C4orf54: variants seen among roughly 807,000 people sequenced by gnomAD.
The protein encoded by C4orf54 is chromosome 4 open reading frame 54.
A neutral mutation model predicts 80.1 loss-of-function variants in C4orf54; 67 were observed. That is an observed-to-expected ratio of 0.84 (90% confidence interval 0.69 to 1.03). The LOEUF (loss-of-function observed/expected upper bound fraction) is 1.03. C4orf54 is among the 50% of genes least tolerant of loss of function. C4orf54 has a pLI of 0.00. For missense variants in C4orf54, 2,434 were observed against 2,253.5 expected, an observed-to-expected ratio of 1.08 and a Z score of -1.62; for synonymous variants, 1,000 against 917.0, an observed-to-expected ratio of 1.09 and a Z score of -1.64.
intron 2 of C4orf54, among the ~76,000 whole-genome samples, chr4:99,643,792 A>ACACACACACCCCCCCC (rs61130907): frequency 1.0e-5 from 1 of 98,860 alleles, no homozygotes; most frequent in Non-Finnish European, 2.0e-5. Context: ...ACACACACAC[A>ACACACACACCCCCCCC]CCCCCTCCGC....
At chr4:99,642,902 T>C (rs1726630267) in intron 2 of C4orf54, among the ~76,000 whole-genome samples, 1 of 152,194 alleles carries the variant, frequency 6.6e-6, no homozygotes, top group South Asian at 2.1e-4. Flanking sequence ...TGCTCAGAGT[T>C]GTATAACATT....
chr4:99,651,023 T>C lies in C4orf54; in HGVS notation c.3626A>G (p.Asn1209Ser), dbSNP rs751242739. ...GRLPVATIAP[N>S]KPEQGSYLPV... ...CAGGTATGAGCCCTGCTCGGGCTTA[T>C]TGGGGGCAATGGTAGCCACAGGCAG... Residue 1209 changes from asparagine to serine, a missense_variant, in exon 2 of 3, where the codon AAT becomes AGT. By Grantham distance (46) the Asn-to-Ser change is conservative. Coordinates refer to ENST00000511828, the MANE Select transcript of C4orf54 (RefSeq NM_001354435.2). 37 of 1,536,134 alleles carry C rather than the reference T, an allele frequency of 2.4e-5. No homozygotes were observed. In the East Asian group the frequency reaches 2.9e-4, roughly 12 times the overall value.
intron 2 of C4orf54, among the ~76,000 whole-genome samples, chr4:99,647,075 A>T (rs189325171): frequency 2.0e-5 from 3 of 152,362 alleles, no homozygotes; most frequent in African/African-American, 7.2e-5. Context: ...ACTAAAATGA[A>T]GGTCGTGCTT....
chr4:99,649,859 G>A lies in C4orf54; in HGVS notation c.4790C>T (p.Thr1597Ile). ...PAPAASAPVP[T>I]DPFQQAQPQQ... Reference sequence around the variant, plus strand: ...AGGCTGTGCCTGCTGGAAGGGGTCTGTGGGGACGGGAGCTGAGGCTGCAGG... The same window carrying A: ...AGGCTGTGCCTGCTGGAAGGGGTCTATGGGGACGGGAGCTGAGGCTGCAGG... The change falls in exon 2 of 3, where the codon ACA (threonine) becomes ATA (isoleucine). Residue 1597 changes from threonine (T) to isoleucine (I), a missense_variant. Coordinates refer to ENST00000511828, the MANE Select transcript of C4orf54 (RefSeq NM_001354435.2). The A allele has an allele frequency of 6.5e-7, 1 of 1,533,154 alleles. No individual in the cohort carries two copies. Among genetic ancestry groups the A allele is most frequent in the Non-Finnish European group, 8.7e-7 (1 of 1,144,292 alleles). 95.0% of individuals were successfully genotyped at this position (1,533,154 alleles called of 1,614,324 possible).
At chr4:99,654,965 T>C (rs747551817) in intron 1 of C4orf54, among the ~76,000 whole-genome samples, 1 of 152,218 alleles carries the variant, frequency 6.6e-6, no homozygotes, top group Non-Finnish European at 1.5e-5. Flanking sequence ...TTAAATAAAA[T>C]TCAAATTTTT....
Position 99,652,878 on chromosome 4 carries a change from G to T in C4orf54, c.1771C>A (p.Gln591Lys). Residue 591 changes from glutamine (Q) to lysine (K), a missense_variant, in exon 2 of 3, where the codon CAA becomes AAA. Transcript: ENST00000511828. ...GCCCGGATGGCCCCGCACCTGGTTT[G>T]CAGGCGAGCAGGTACAGCAATGAAT... ...KKFIAVPARLQTRCGAIRAKE... is the reference protein window; with the variant it reads ...KKFIAVPARLKTRCGAIRAKE... 6.5e-7 allele frequency: 1 copy of T among 1,536,140 alleles called. No homozygotes were observed. Among genetic ancestry groups the T allele is most frequent in the Non-Finnish European group, 8.7e-7 (1 of 1,146,920 alleles).
Position 99,651,424 on chromosome 4 carries a change from G to T in C4orf54, c.3225C>A (p.Leu1075=), listed in dbSNP as rs568204676. 28 of 1,536,312 alleles carry T rather than the reference G, an allele frequency of 1.8e-5. No individual in the cohort carries two copies. In the East Asian group the frequency reaches 6.1e-4, roughly 34 times the overall value. Residue 1075 remains leucine, a synonymous_variant, in exon 2 of 3, where the codon CTC becomes CTA. Coordinates refer to ENST00000511828, the MANE Select transcript of C4orf54 (RefSeq NM_001354435.2). ...IEDNSRAQQK[L]FRGDNLEKVP... is the part of the protein sequence containing the mutation. ...CTTTTTCTAGGTTGTCCCCGCGGAAGAGTTTCTGCTGTGCCCTGCTGTTGT... is the reference window on the plus strand; with the variant it reads ...CTTTTTCTAGGTTGTCCCCGCGGAATAGTTTCTGCTGTGCCCTGCTGTTGT...
rs1367644515 is a variant in C4orf54, at chr4:99,651,624, T to A, written c.3025A>T (p.Thr1009Ser). The A allele has an allele frequency of 7.2e-6, 11 of 1,536,016 alleles. No homozygotes were observed. The South Asian group carries it at 9.5e-5, about 13-fold the overall frequency. The change falls in exon 2 of 3, where the codon ACC becomes TCC. Residue 1009 changes from threonine (T) to serine (S), a missense_variant. Transcript: ENST00000511828. ...GTGGCCTGAGCAGCAGGGTACTTGG[T>A]GGCCTGCTTCCTCGGCTGCTTGTCC... The part of the protein sequence containing the change: ...PKDKQPRKQA[T>S]KYPAAQATST...
At chr4:99,646,884 TA>T (rs1023490704) in intron 2 of C4orf54, among the ~76,000 whole-genome samples, 3 of 152,080 alleles carry the variant, frequency 2.0e-5, no homozygotes, top group Admixed American at 6.6e-5. Flanking sequence ...ATTACACACT[TA>T]AAAAAAATCC....
Position 99,640,863 on chromosome 4 carries a change from T to C in C4orf54, c.*370A>G, listed in dbSNP as rs1311004915. On this transcript the variant is annotated 3_prime_UTR_variant, in exon 3 of 3. Coordinates refer to ENST00000511828, the MANE Select transcript of C4orf54 (RefSeq NM_001354435.2). Reference sequence around the variant, plus strand: ...AATCAATCCCATTCTGTGGTATGTTTTGACTGAACAATGGGAACAAAGGAA... The same window carrying C: ...AATCAATCCCATTCTGTGGTATGTTCTGACTGAACAATGGGAACAAAGGAA... The C allele has an allele frequency of 6.6e-6, 1 of 152,186 alleles. No homozygotes were observed. The highest frequency in any genetic ancestry group is 1.5e-5 in the Non-Finnish European group (1 of 68,010). 9.4% of individuals were successfully genotyped at this position (152,186 alleles called of 1,614,324 possible). A position where few individuals can be genotyped will look rare whatever the true frequency, so the allele number is the denominator to read the frequency against.
chr4:99,651,949 G>A lies in C4orf54; in HGVS notation c.2700C>T (p.Ala900=). 6.5e-7 allele frequency: 1 copy of A among 1,536,156 alleles called. No individual in the cohort carries two copies. The highest frequency in any genetic ancestry group is 8.7e-7 in the Non-Finnish European group (1 of 1,146,906). Reference sequence around the variant, plus strand: ...CTGCGTTGCGCTCGCGAGGAGTACTGGCTTTGAAGACTGGAGATTTGGAGC... The same window carrying A: ...CTGCGTTGCGCTCGCGAGGAGTACTAGCTTTGAAGACTGGAGATTTGGAGC... The part of the protein sequence containing the change: ...VAGSKSPVFK[A]STPRERNAGP... The change falls in exon 2 of 3, where the codon GCC becomes GCT. Residue 900 remains alanine (A), a synonymous_variant. Coordinates refer to ENST00000511828, the MANE Select transcript of C4orf54 (RefSeq NM_001354435.2).
intron 2 of C4orf54, among the ~76,000 whole-genome samples, chr4:99,645,788 TG>T (rs1726691425): frequency 6.6e-6 from 1 of 152,240 alleles, no homozygotes. Context: ...GGTGAAGTTT[TG>T]CAACTGCTGT....
Position 99,650,501 on chromosome 4 carries a change from T to G in C4orf54, c.4148A>C (p.Gln1383Pro), listed in dbSNP as rs1225076661. 2 of 1,535,960 alleles carry G rather than the reference T, an allele frequency of 1.3e-6. No individual in the cohort carries two copies. Among genetic ancestry groups the G allele is most frequent in the Non-Finnish European group, 1.7e-6 (2 of 1,146,888 alleles). The change falls in exon 2 of 3, where the codon CAA becomes CCA. Residue 1383 changes from glutamine to proline, a missense_variant. Gln to Pro is a moderately conservative substitution (Grantham distance 76). Transcript: ENST00000511828. ...PPVHKDVERT[Q>P]PLQPLPPLPS... ...GAGTGGTGGGAGGGGCTGCAGGGGTTGGGTTCTCTCTACATCCTTGTGGAC... is the reference window on the plus strand; with the variant it reads ...GAGTGGTGGGAGGGGCTGCAGGGGTGGGGTTCTCTCTACATCCTTGTGGAC...
intron 2 of C4orf54, among the ~76,000 whole-genome samples, chr4:99,644,860 T>A: frequency 8.0e-6 from 1 of 125,154 alleles, no homozygotes. Flanking sequence ...AAGGAACAAG[T>A]TGCAAAAAAA....
At position 99,649,579 on chromosome 4, in the gene C4orf54, A is replaced by G. The variant is rs1029906296; in HGVS notation, c.5070T>C (p.Asn1690=). Residue 1690 remains asparagine (N), a synonymous_variant, in exon 2 of 3, where the codon AAT becomes AAC. Coordinates refer to ENST00000511828, the MANE Select transcript of C4orf54 (RefSeq NM_001354435.2). ...GAGCAATTGGTGTGGGCTGCAGAGC[A>G]TTGGTGGGCAGCACGGTAGGCAGAA... ...PGFLPTVLPT[N]ALQPTPIARA... 252 of 1,536,018 alleles carry G rather than the reference A, an allele frequency of 1.6e-4. No individual in the cohort carries two copies. Among genetic ancestry groups the G allele is most frequent in the Non-Finnish European group, 2.2e-4 (249 of 1,146,908 alleles).
At chr4:99,643,794 C>CACACCCCCG (rs1560634918) in intron 2 of C4orf54, among the ~76,000 whole-genome samples, 1 of 65,184 alleles carries the variant, frequency 1.5e-5, no homozygotes, top group Admixed American at 2.0e-4. Flanking sequence ...ACACACACAC[C>CACACCCCCG]CCCTCCGCGG....
At position 99,652,256 on chromosome 4, in the gene C4orf54, G is replaced by C; in HGVS notation, c.2393C>G (p.Ser798Cys). 6 of 1,535,978 alleles carry C rather than the reference G, an allele frequency of 3.9e-6. No homozygotes were observed. Among genetic ancestry groups the C allele is most frequent in the Non-Finnish European group, 5.2e-6 (6 of 1,146,816 alleles). ...SETSEGSKPT[S>C]RADGPQKSKF... ...GGACTTCTGGGGGCCATCGGCGCGGGAGGTGGGCTTGCTGCCCTCGGAGGT... is the reference window on the plus strand; with the variant it reads ...GGACTTCTGGGGGCCATCGGCGCGGCAGGTGGGCTTGCTGCCCTCGGAGGT... The change falls in exon 2 of 3, where the codon TCC (serine) becomes TGC (cysteine). Residue 798 changes from serine to cysteine, a missense_variant. Coordinates refer to ENST00000511828, the MANE Select transcript of C4orf54 (RefSeq NM_001354435.2).
At chr4:99,656,071 C>T (rs1726973840) in intron 1 of C4orf54, among the ~76,000 whole-genome samples, 1 of 151,906 alleles carries the variant, frequency 6.6e-6, no homozygotes, top group Admixed American at 6.6e-5. Flanking sequence ...CACACCACTG[C>T]CATTAAAAGT....
At position 99,649,270 on chromosome 4, in the gene C4orf54, T is replaced by C. The variant is rs1217672197; in HGVS notation, c.5379A>G (p.Arg1793=). The change falls in exon 2 of 3, where the codon AGA becomes AGG. Residue 1793 remains arginine, a synonymous_variant. Transcript: ENST00000511828. ...GTTMSFVVEH[R] is the part of the protein sequence containing the mutation. ...TCCGCTTCCTGGTGGCTGCTCATCA[T>C]CTGTGTTCTACCACAAAGCTCATGG... The C allele has an allele frequency of 6.6e-7, 1 of 1,510,366 alleles. No individual in the cohort carries two copies. Among genetic ancestry groups the C allele is most frequent in the Non-Finnish European group, 8.8e-7 (1 of 1,131,112 alleles). The allele number at this position is 1,510,366 out of a possible 1,614,324, so 93.6% of individuals were successfully genotyped here.
Sources: gnomAD v4.1 joint callset for allele counts (sites outside exome capture counted in the v4.1 genomes callset) on GRCh38, gnomAD v4.1.1 for gene constraint, MANE v1.5 for transcripts, NCBI Gene and HGNC (gene_info 2026-07-23, HGNC 2026-07-21) for gene names.